ENOSF1: variants seen among roughly 807,000 people sequenced by gnomAD.
ENOSF1 encodes the protein mitochondrial enolase superfamily member 1.
In ENOSF1, 73 loss-of-function variants were observed where a neutral mutation model predicts 68.2. That is an observed-to-expected ratio of 1.07 (90% confidence interval 0.89 to 1.30). The LOEUF is 1.30. Among genes scored for constraint, ENOSF1 ranks in the 50% most tolerant of loss-of-function variants. ENOSF1 has a pLI of 0.00. For missense variants in ENOSF1, 589 were observed against 554.5 expected, an observed-to-expected ratio of 1.06 and a Z score of -0.62; for synonymous variants, 223 against 210.4, an observed-to-expected ratio of 1.06 and a Z score of -0.52.
intron 15 of ENOSF1, 88 bp downstream of exon 15, chr18:675,233 G>T (rs1460316985): frequency 2.0e-6 from 2 of 1,001,654 alleles, no homozygotes. Flanking sequence ...AGGAGTCAAA[G>T]CTTGGTGCTC....
chr18:696,360 C>A (rs558274251), intron 3 of ENOSF1, among the ~76,000 whole-genome samples: 1 of 151,892 alleles, frequency 6.6e-6, no homozygotes, highest in Non-Finnish European at 1.5e-5. Flanking sequence ...TATAGGCGCC[C>A]GCCACCATGC....
In ENOSF1 at chr18:670,414, C is replaced by T. The variant is rs2853532; in HGVS notation, c.*3891G>A. The T allele has an allele frequency of 0.37, 125,805 of 344,252 alleles. 25,585 individuals carry two copies. Among genetic ancestry groups the T allele is most frequent in the East Asian group, 0.66 (12,382 of 18,878 alleles). The allele number at this position is 344,252 out of a possible 1,614,324, so 21.3% of individuals were successfully genotyped here. A position where few individuals can be genotyped will look rare whatever the true frequency, so the allele number is the denominator to read the frequency against. The stretch of plus-strand genomic sequence containing the variant: ...GAATTATTCCTGCTGTATTTGTAAT[C>T]TGGTGCCACGAGGTAGCCCAGATCC... On this transcript the variant is annotated 3_prime_UTR_variant, in exon 16 of 16. Coordinates refer to ENST00000647584, the MANE Select transcript of ENOSF1 (RefSeq NM_017512.7).
intron 8 of ENOSF1, among the ~76,000 whole-genome samples, chr18:689,573 C>T (rs977996146): frequency 1.3e-5 from 2 of 152,162 alleles, no homozygotes; most frequent in African/African-American, 4.8e-5. Context: ...TGAGCCACTG[C>T]CCTCAGCCAA....
Position 671,665 on chromosome 18 carries a change from G to A in ENOSF1, c.*2640C>T, listed in dbSNP as rs2075057002. On this transcript the variant is annotated 3_prime_UTR_variant, in exon 16 of 16. Coordinates refer to ENST00000647584, the MANE Select transcript of ENOSF1 (RefSeq NM_017512.7). The stretch of plus-strand genomic sequence containing the variant: ...CACTTAACATGTCAGGTGCTGTGAG[G>A]TACTAAGCACCAGTACCAGAGAGGG... 3.5e-6 allele frequency: 2 copies of A among 576,514 alleles called. No individual in the cohort carries two copies. Among genetic ancestry groups the A allele is most frequent in the East Asian group, 6.2e-5 (2 of 32,404 alleles). 35.7% of individuals were successfully genotyped at this position (576,514 alleles called of 1,614,324 possible).
chr18:703,448 A>C (rs1001283729), intron 2 of ENOSF1, among the ~76,000 whole-genome samples: 12 of 152,194 alleles, frequency 7.9e-5, no homozygotes, highest in African/African-American at 2.9e-4. Context: ...TAGGGTTTGC[A>C]GTATGGAGAA....
intron 2 of ENOSF1, among the ~76,000 whole-genome samples, chr18:698,321 T>C (rs991580641): frequency 1.5e-4 from 23 of 152,246 alleles, no homozygotes; most frequent in Admixed American, 6.5e-4. Context: ...CACTAGTTCA[T>C]GTTCCTAAGG....
intron 13 of ENOSF1, 126 bp downstream of exon 13, chr18:677,615 TGA>T (rs1320877008): frequency 3.7e-6 from 5 of 1,354,582 alleles, no homozygotes; most frequent in Middle Eastern, 2.7e-4. Context: ...TAAAGCTAAA[TGA>T]GAGTTAGAAA....
intron 13 of ENOSF1, 139 bp downstream of exon 13, chr18:677,604 T>A (rs2075643122): frequency 8.3e-6 from 11 of 1,330,408 alleles, no homozygotes; most frequent in Middle Eastern, 5.4e-4. Context: ...AATTCCCGGA[T>A]TAAAGCTAAA....
At position 672,043 on chromosome 18, in the gene ENOSF1, A is replaced by G. The variant is rs2606245; in HGVS notation, c.*2262T>C. On this transcript the variant is annotated 3_prime_UTR_variant, in exon 16 of 16. Coordinates refer to ENST00000647584, the MANE Select transcript of ENOSF1 (RefSeq NM_017512.7). ...GATCCACCTGCCTCAGCCTCCGAAA[A>G]TTCTGGAATTACAGGCATAAGCCAC... 0.52 allele frequency: 79,644 copies of G among 152,164 alleles called. 21,591 individuals are homozygous for G. The highest frequency in any genetic ancestry group is 0.69 in the East Asian group (3,563 of 5,168). The allele number at this position is 152,164 out of a possible 1,614,324, so 9.4% of individuals were successfully genotyped here. A position where few individuals can be genotyped will look rare whatever the true frequency, so the allele number is the denominator to read the frequency against.
At chr18:682,517 G>C (rs1292730142) in intron 11 of ENOSF1, among the ~76,000 whole-genome samples, 2 of 152,028 alleles carry the variant, frequency 1.3e-5, no homozygotes, top group Non-Finnish European at 2.9e-5. Context: ...CTGAAACATT[G>C]TTATGGGGCA....
intron 1 of ENOSF1, 150 bp downstream of exon 1, chr18:712,354 G>A (rs1302140960): frequency 7.0e-7 from 1 of 1,438,820 alleles, no homozygotes; most frequent in African/African-American, 1.9e-5. Context: ...CGCAAGCCGC[G>A]CGTACCATGG....
In ENOSF1 at chr18:671,607, G is replaced by C; in HGVS notation, c.*2698C>G. On this transcript the variant is annotated 3_prime_UTR_variant, in exon 16 of 16. Transcript: ENST00000647584. ...GGAGAAGTGGTGGGCAGGTGGGCAG[G>C]ACAAGGCAGGCATCTGCCTCAGCAA... 1.5e-6 allele frequency: 1 copy of C among 659,596 alleles called. No homozygotes were observed. The highest frequency in any genetic ancestry group is 2.7e-6 in the Non-Finnish European group (1 of 372,978). The allele number at this position is 659,596 out of a possible 1,614,324, so 40.9% of individuals were successfully genotyped here. A position where few individuals can be genotyped will look rare whatever the true frequency, so the allele number is the denominator to read the frequency against.
downstream of ENOSF1, chr18:669,289 A>G (rs1376335439): frequency 8.4e-6 from 6 of 715,700 alleles, no homozygotes; most frequent in Non-Finnish European, 1.3e-5. Flanking sequence ...CCCCAGCCAC[A>G]TGGTTGATTG....
intron 2 of ENOSF1, among the ~76,000 whole-genome samples, chr18:697,786 GT>G (rs1025247850): frequency 6.6e-6 from 1 of 151,988 alleles, no homozygotes; most frequent in South Asian, 2.1e-4. Flanking sequence ...CATCAAATAT[GT>G]TTTCTTTTCT....
At chr18:683,222 C>T (rs367856734) in intron 11 of ENOSF1, 24 bp downstream of exon 11, 28 of 1,612,160 alleles carry the variant, frequency 1.7e-5, no homozygotes, top group East Asian at 1.1e-4. Context: ...TAAGCTGCCA[C>T]AGCAGCAGCA....
intron 1 of ENOSF1, 47 bp from the exon 2 acceptor site, chr18:706,625 C>G: frequency 7.3e-7 from 1 of 1,372,640 alleles, no homozygotes; most frequent in Non-Finnish European, 1.0e-6. Context: ...TGTGAGAAAC[C>G]CGAAAAGAAC....
At position 678,726 on chromosome 18, in the gene ENOSF1, T is replaced by G; in HGVS notation, c.888A>C (p.Pro296=). The G allele has an allele frequency of 6.2e-7, 1 of 1,614,186 alleles. No homozygotes were observed. Among genetic ancestry groups the G allele is most frequent in the Non-Finnish European group, 8.5e-7 (1 of 1,180,022 alleles). The change falls in exon 12 of 16, where the codon CCA becomes CCC. Residue 296 remains proline, a synonymous_variant. Transcript: ENST00000647584. ...CTCCTGTGGCAATGCCAATTCCTAA[T>G]GGGACCAGTGCCTATAAAATAGAAG... is the stretch of plus-strand genomic sequence containing the variant. The part of the protein sequence containing the change: ...GHATISKALV[P]LGIGIATGEQ...
chr18:671,474 T>C lies in ENOSF1; in HGVS notation c.*2831A>G, dbSNP rs1205594244. On this transcript the variant is annotated 3_prime_UTR_variant, in exon 16 of 16. Coordinates refer to ENST00000647584, the MANE Select transcript of ENOSF1 (RefSeq NM_017512.7). ...CAGGTAAGAATTAGATGTTATACTTTTGGGTTTGGTACCTTCTCTTGATAA... is the reference window on the plus strand; with the variant it reads ...CAGGTAAGAATTAGATGTTATACTTCTGGGTTTGGTACCTTCTCTTGATAA... 4 of 1,521,500 alleles carry C rather than the reference T, an allele frequency of 2.6e-6. No individual in the cohort carries two copies. Among genetic ancestry groups the C allele is most frequent in the East Asian group, 2.3e-5 (1 of 44,442 alleles). The allele number at this position is 1,521,500 out of a possible 1,614,324, so 94.2% of individuals were successfully genotyped here. A position where few individuals can be genotyped will look rare whatever the true frequency, so the allele number is the denominator to read the frequency against.
At chr18:667,083 TGATGGTGATGGAGATGGAGATGGA>T (rs1567989961), downstream of ENOSF1, among the ~76,000 whole-genome samples, 9 of 52,334 alleles carry the variant, frequency 1.7e-4, no homozygotes, top group Non-Finnish European at 2.3e-4. Context: ...ATGGAGATGG[TGATGGTGATGGAGATGGAGATGGA>T]GATGGTGATG....
Sources: allele counts gnomAD v4.1 joint callset (sites outside exome capture counted in the v4.1 genomes callset), GRCh38; gene constraint gnomAD v4.1.1; transcripts MANE v1.5; gene names NCBI Gene and HGNC (gene_info 2026-07-23, HGNC 2026-07-21).